Variants in RNF150 observed in about 807,000 individuals in gnomAD.
RNF150 encodes ring finger protein 150.
A neutral mutation model predicts 39.3 loss-of-function variants in RNF150; 24 were observed. That is an observed-to-expected ratio of 0.61 (90% CI 0.44 to 0.86). The LOEUF (loss-of-function observed/expected upper bound fraction) is 0.86, where lower values mean the gene tolerates loss of function less well. Among genes scored for constraint, RNF150 ranks in the 40% least tolerant of loss-of-function variants. RNF150 has a pLI of 0.00. For missense variants in RNF150, 502 were observed against 587.8 expected (o/e 0.85, Z 1.51); for synonymous variants, 255 against 227.3 (o/e 1.12, Z -1.10).
intron 1 of RNF150, among the ~76,000 whole-genome samples, chr4:141,120,661 G>T (rs1430969607): frequency 6.6e-6 from 1 of 152,138 alleles, no homozygotes; most frequent in East Asian, 1.9e-4. Flanking sequence ...CAAAGGTCCT[G>T]GGCTGGGAGC....
intron 1 of RNF150, among the ~76,000 whole-genome samples, chr4:141,034,270 C>T (rs1736060573): frequency 6.6e-6 from 1 of 152,188 alleles, no homozygotes; most frequent in African/African-American, 2.4e-5. Context: ...CTAGCCTCTG[C>T]TAGCTTCAAA....
chr4:141,011,095 AT>A (rs1735058904), intron 1 of RNF150, among the ~76,000 whole-genome samples: 2 of 152,026 alleles, frequency 1.3e-5, no homozygotes, highest in African/African-American at 4.8e-5. Flanking sequence ...AAATTTTCGT[AT>A]TACTCTCTTC....
chr4:141,079,037 T>C (rs1163093709), intron 1 of RNF150, among the ~76,000 whole-genome samples: 1 of 151,776 alleles, frequency 6.6e-6, no homozygotes, highest in African/African-American at 2.4e-5. Context: ...TTGGGTTGGA[T>C]TGTGCTATTT....
At chr4:141,000,043 AG>A (rs879885604) in intron 1 of RNF150, among the ~76,000 whole-genome samples, 2,572 of 83,584 alleles carry the variant, frequency 0.031, 396 homozygotes, top group Admixed American at 0.046. Context: ...AAGAAGAAGA[AG>A]AAGAAGAAGA....
At chr4:141,146,324 G>A (rs1307546432) in intron 1 of RNF150, among the ~76,000 whole-genome samples, 1 of 152,120 alleles carries the variant, frequency 6.6e-6, no homozygotes, top group African/African-American at 2.4e-5. Context: ...CTTCTTCAAC[G>A]TTTTTTATCC....
intron 1 of RNF150, among the ~76,000 whole-genome samples, chr4:141,019,789 T>A (rs1407910051): frequency 6.6e-6 from 1 of 152,194 alleles, no homozygotes; most frequent in Non-Finnish European, 1.5e-5. Context: ...GCAAGGTTAT[T>A]TTTTTGGTCC....
chr4:140,881,445 T>C (rs1295653994), intron 6 of RNF150, among the ~76,000 whole-genome samples: 1 of 152,212 alleles, frequency 6.6e-6, no homozygotes, highest in Non-Finnish European at 1.5e-5. Flanking sequence ...ATTACAAGCA[T>C]GAGCCACCAC....
rs527891250 is a variant in RNF150, at chr4:141,175,489, A to G, written c.-6+37305T>C. ...GCAGGGTGATAGAGAGAGGGCTACC[A>G]GTGGTCGTAACATCCAAAGAAAAGT... On this transcript the variant is annotated intron_variant, in intron 1 of 7. Coordinates refer to the RNF150 transcript ENST00000420921. Among the ~76,000 whole-genome samples, 4 of 152,332 alleles carry G rather than the reference A, an allele frequency of 2.6e-5. No individual in the cohort carries two copies. In the South Asian group the frequency reaches 8.3e-4, roughly 32 times the overall value.
intron 1 of RNF150, among the ~76,000 whole-genome samples, chr4:141,116,384 A>G (rs1028709886): frequency 6.6e-6 from 1 of 152,220 alleles, no homozygotes; most frequent in Non-Finnish European, 1.5e-5. Flanking sequence ...CAAACATATG[A>G]AAAAAAGCTC....
rs372298024 is a variant in RNF150 at position 141,155,626 on chromosome 4, G to GTT, written c.-6+57166_-6+57167dup. 1.1e-3 allele frequency among the ~76,000 whole-genome samples: 169 copies of GTT among 152,270 alleles called. 3 individuals carry two copies. Among genetic ancestry groups the GTT allele is most frequent in the African/African-American group, 3.8e-3 (159 of 41,562 alleles). On this transcript the variant is annotated intron_variant, in intron 1 of 7. Coordinates refer to the RNF150 transcript ENST00000420921. ...GTATGAGTAGTAAGCAAACATGAAT[G>GTT]TTATATACATCCCATTTTCACTTTG...
At chr4:141,069,797 A>T (rs984765179) in intron 1 of RNF150, among the ~76,000 whole-genome samples, 30 of 152,174 alleles carry the variant, frequency 2.0e-4, no homozygotes, top group African/African-American at 7.2e-4. Flanking sequence ...GGGAGACTGT[A>T]TGTGTCGAGG....
chr4:140,868,010 A>G lies in RNF150; in HGVS notation c.*251T>C, dbSNP rs1728779724. Reference sequence around the variant, plus strand: ...TTAGGAGCTTCTGAAGTGTATGTCTACATGGACATAGGAGTGGAAATCAGC... The same window carrying G: ...TTAGGAGCTTCTGAAGTGTATGTCTGCATGGACATAGGAGTGGAAATCAGC... On this transcript the variant is annotated 3_prime_UTR_variant, in exon 7 of 7. Transcript: ENST00000515673. 2 of 418,112 alleles carry G rather than the reference A, an allele frequency of 4.8e-6. No homozygotes were observed. The highest frequency in any genetic ancestry group is 8.5e-6 in the Non-Finnish European group (2 of 236,252). The allele number at this position is 418,112 out of a possible 1,614,324, so 25.9% of individuals were successfully genotyped here. A position where few individuals can be genotyped will look rare whatever the true frequency, so the allele number is the denominator to read the frequency against.
intron 1 of RNF150, among the ~76,000 whole-genome samples, chr4:141,124,621 G>T (rs957252905): frequency 6.6e-6 from 1 of 152,130 alleles, no homozygotes; most frequent in Non-Finnish European, 1.5e-5. Context: ...GTGGGGAACA[G>T]AAAAGAGAAA....
intron 1 of RNF150, among the ~76,000 whole-genome samples, chr4:141,192,608 G>C (rs1360084447): frequency 6.6e-6 from 1 of 152,198 alleles, no homozygotes; most frequent in Non-Finnish European, 1.5e-5. Context: ...GTTGGCCAAA[G>C]CATAGGGGGA....
Position 141,004,356 on chromosome 4 carries a change from A to C in RNF150, c.485-36483T>G, listed in dbSNP as rs528443291. Among the ~76,000 whole-genome samples the C allele has an allele frequency of 5.9e-5, 9 of 152,214 alleles. No individual in the cohort carries two copies. The South Asian group carries it at 1.7e-3, about 28-fold the overall frequency. The stretch of plus-strand genomic sequence containing the variant: ...CCTGATGTAGGGTTAGGAGTCAAGA[A>C]AGGCTCTGGAGAGAAATTGACACTA... On this transcript the variant is annotated intron_variant, in intron 1 of 6. Transcript: ENST00000515673.
At chr4:140,984,829 G>A (rs920846024) in intron 1 of RNF150, among the ~76,000 whole-genome samples, 1 of 152,110 alleles carries the variant, frequency 6.6e-6, no homozygotes, top group Admixed American at 6.6e-5. Context: ...CACTGTGCTA[G>A]TGAAACTCTG....
At position 140,987,902 on chromosome 4, in the gene RNF150, T is replaced by C. The variant is rs144091713; in HGVS notation, c.485-20029A>G. Among the ~76,000 whole-genome samples, 705 of 152,006 alleles carry C rather than the reference T, an allele frequency of 4.6e-3. 6 individuals are homozygous for C. The highest frequency in any genetic ancestry group is 0.016 in the African/African-American group (674 of 41,520). ...ATCCACAATCTACAAGGAACTTAAA[T>C]AATTGAACAAGCAAAAAACAATCCT... On this transcript the variant is annotated intron_variant, in intron 1 of 6. Coordinates refer to ENST00000515673, the MANE Select transcript of RNF150 (RefSeq NM_020724.2).
At chr4:141,162,838 T>C (rs1318998606) in intron 1 of RNF150, among the ~76,000 whole-genome samples, 1 of 152,192 alleles carries the variant, frequency 6.6e-6, no homozygotes, top group African/African-American at 2.4e-5. Context: ...CAAGTGCCTA[T>C]GCCACCAGGG....
intron 1 of RNF150, among the ~76,000 whole-genome samples, chr4:141,071,104 T>A (rs376560282): frequency 1.5e-5 from 2 of 134,520 alleles, no homozygotes; most frequent in South Asian, 5.1e-4. Flanking sequence ...AAATTGGAAA[T>A]CATCATTCTC....
Sources: gnomAD v4.1 joint callset for allele counts (sites outside exome capture counted in the v4.1 genomes callset) on GRCh38, gnomAD v4.1.1 for gene constraint, MANE v1.5 for transcripts, NCBI Gene and HGNC (gene_info 2026-07-23, HGNC 2026-07-21) for gene names.